Variants in PLCG2 observed in about 807,000 individuals in gnomAD.
The protein encoded by PLCG2 is phospholipase C gamma 2.
PLCG2 carries 69 observed loss-of-function variants against 175.6 expected under a neutral mutation model. The observed-to-expected ratio is 0.39, with a 90% CI of 0.32 to 0.48. The LOEUF (loss-of-function observed/expected upper bound fraction) is 0.48, where lower values mean the gene tolerates loss of function less well. PLCG2 is among the 20% of genes least tolerant of loss of function. PLCG2 has a pLI of 0.91. For missense variants in PLCG2, 1,798 were observed against 1,650.9 expected (o/e 1.09, Z -1.54); for synonymous variants, 827 against 624.0 (o/e 1.33, Z -4.85).
chr16:81,805,595 C>A (rs1358806182), intron 2 of PLCG2, among the ~76,000 whole-genome samples: 1 of 151,284 alleles, frequency 6.6e-6, no homozygotes, highest in Non-Finnish European at 1.5e-5. Context: ...AAAAAGTGGG[C>A]GAAAGATCTG....
At chr16:81,911,512 G>A (rs1012693958) in intron 18 of PLCG2, among the ~76,000 whole-genome samples, 3 of 151,696 alleles carry the variant, frequency 2.0e-5, no homozygotes, top group African/African-American at 4.9e-5. Flanking sequence ...ATCACGTCTC[G>A]CAGCAGCCTC....
intron 13 of PLCG2, among the ~76,000 whole-genome samples, chr16:81,899,926 G>T (rs888344016): frequency 1.3e-5 from 2 of 152,218 alleles, no homozygotes; most frequent in African/African-American, 4.8e-5. Flanking sequence ...CCCTGATCCT[G>T]TATTTCCCCT....
chr16:81,831,836 G>T (rs1028735131), intron 2 of PLCG2, among the ~76,000 whole-genome samples: 3 of 152,200 alleles, frequency 2.0e-5, no homozygotes, highest in Non-Finnish European at 4.4e-5. Flanking sequence ...GGGAGGCCAC[G>T]CTAGCCATCC....
intron 25 of PLCG2, 24 bp from the exon 26 acceptor site, chr16:81,934,405 C>G (rs765497336): frequency 1.3e-6 from 2 of 1,486,620 alleles, no homozygotes; most frequent in African/African-American, 1.4e-5. Flanking sequence ...GGGGCGGGCA[C>G]TAAAGACAGT....
chr16:81,833,104 C>T (rs557542012), intron 2 of PLCG2, among the ~76,000 whole-genome samples: 2 of 152,306 alleles, frequency 1.3e-5, no homozygotes, highest in African/African-American at 4.8e-5. Context: ...AGGGTGCTTT[C>T]CTGCTGGCAC....
At chr16:81,798,297 C>T (rs1911563542) in intron 2 of PLCG2, among the ~76,000 whole-genome samples, 2 of 152,166 alleles carry the variant, frequency 1.3e-5, no homozygotes. Context: ...CAGGTGCCTG[C>T]ATTTGTGTTT....
intron 13 of PLCG2, among the ~76,000 whole-genome samples, chr16:81,900,358 A>G (rs1385017732): frequency 6.6e-6 from 1 of 152,206 alleles, no homozygotes; most frequent in Admixed American, 6.5e-5. Context: ...TAGATGGAAA[A>G]AAATACAGAG....
rs1031108501 is a variant in PLCG2, at chr16:81,824,277, G to A, written c.194-30167G>A. Among the ~76,000 whole-genome samples, 4 of 151,884 alleles carry A rather than the reference G, an allele frequency of 2.6e-5. No individual in the cohort carries two copies. The South Asian group carries it at 6.2e-4, about 24-fold the overall frequency. On this transcript the variant is annotated intron_variant, in intron 2 of 32. Coordinates refer to ENST00000564138, the MANE Select transcript of PLCG2 (RefSeq NM_002661.5). ...GCCTCCCAAGTAACTAGGATTATAG[G>A]CATGCGTCACCACACCTGGCTAATT...
chr16:81,773,462 C>T (rs144580211), intron 2 of PLCG2, among the ~76,000 whole-genome samples: 1 of 152,244 alleles, frequency 6.6e-6, no homozygotes, highest in East Asian at 1.9e-4. Flanking sequence ...TTGTTGGAGA[C>T]ACAGGGGGGT....
chr16:81,831,387 G>A lies in PLCG2; in HGVS notation c.194-23057G>A, dbSNP rs1905252140. On this transcript the variant is annotated intron_variant, in intron 2 of 32. Transcript: ENST00000564138. ...TCATCGTGAGAATCTGTGGATAATA[G>A]CAGCAAACATTTAAACACAGGCTGT... is the stretch of plus-strand genomic sequence containing the variant. Among the ~76,000 whole-genome samples, 2 of 152,196 alleles carry A rather than the reference G, an allele frequency of 1.3e-5. 1 individual carries two copies. Among genetic ancestry groups the A allele is most frequent in the African/African-American group, 4.8e-5 (2 of 41,442 alleles).
At chr16:81,900,863 C>A (rs887766398) in intron 14 of PLCG2, 83 bp downstream of exon 14, 3 of 1,257,888 alleles carry the variant, frequency 2.4e-6, no homozygotes, top group African/African-American at 1.5e-5. Context: ...TCACCAAGTT[C>A]TATGTCCTAC....
At chr16:81,805,287 C>T (rs146780901) in intron 2 of PLCG2, among the ~76,000 whole-genome samples, 2,461 of 152,154 alleles carry the variant, frequency 0.016, 26 homozygotes, top group Middle Eastern at 0.031. Flanking sequence ...ATCACAAGGT[C>T]AGGAGATCGA....
chr16:81,929,863 C>T (rs1910429121), intron 24 of PLCG2, among the ~76,000 whole-genome samples: 1 of 152,254 alleles, frequency 6.6e-6, no homozygotes, highest in African/African-American at 2.4e-5. Context: ...ATCCCTGCAT[C>T]CACTTCTGGT....
At chr16:81,745,645 G>T (rs1414148171) in intron 1 of PLCG2, among the ~76,000 whole-genome samples, 4 of 152,182 alleles carry the variant, frequency 2.6e-5, no homozygotes, top group African/African-American at 9.7e-5. Flanking sequence ...CTGTTCTCAA[G>T]GTGGGCAGTC....
intron 2 of PLCG2, among the ~76,000 whole-genome samples, chr16:81,825,283 AT>A (rs577002663): frequency 0.064 from 7,368 of 115,898 alleles, 76 homozygotes; most frequent in Middle Eastern, 0.08. Context: ...AGATGCTCTA[AT>A]TTTTTTTTTT....
At chr16:81,847,105 G>T (rs1194226728) in intron 2 of PLCG2, among the ~76,000 whole-genome samples, 4 of 152,208 alleles carry the variant, frequency 2.6e-5, no homozygotes, top group Non-Finnish European at 2.9e-5. Context: ...ATAAATTGGG[G>T]TTCCAATAAC....
chr16:81,776,388 C>T (rs1015760985), upstream of PLCG2, among the ~76,000 whole-genome samples: 2 of 152,122 alleles, frequency 1.3e-5, no homozygotes, highest in African/African-American at 2.4e-5. Flanking sequence ...GGATTACAGG[C>T]GTGAGCCACC....
intron 13 of PLCG2, among the ~76,000 whole-genome samples, chr16:81,899,289 T>TATATATACACACAC (rs908648451): frequency 2.2e-5 from 2 of 92,464 alleles, no homozygotes; most frequent in African/African-American, 7.5e-5. Context: ...TATATATATA[T>TATATATACACACAC]ACACACACAC....
At chr16:81,827,358 A>AT (rs576476866) in intron 2 of PLCG2, among the ~76,000 whole-genome samples, 27 of 146,074 alleles carry the variant, frequency 1.8e-4, no homozygotes, top group South Asian at 4.3e-4. Flanking sequence ...TATTTTTTGT[A>AT]TTTTTTTTTT....
Sources: allele counts gnomAD v4.1 joint callset (sites outside exome capture counted in the v4.1 genomes callset), GRCh38; gene constraint gnomAD v4.1.1; transcripts MANE v1.5; gene names NCBI Gene and HGNC (gene_info 2026-07-23, HGNC 2026-07-21).